ANKRD28: variants seen among roughly 807,000 people sequenced by gnomAD.
ANKRD28 encodes ankyrin repeat domain 28.
A neutral mutation model predicts 126.5 loss-of-function variants in ANKRD28; 44 were observed. The ratio of observed to expected loss-of-function variants is 0.35; its 90% CI spans 0.27 to 0.45. The LOEUF (loss-of-function observed/expected upper bound fraction) is 0.45, where lower values mean the gene tolerates loss of function less well. ANKRD28 is among the 20% of genes least tolerant of loss of function. ANKRD28 has a pLI of 1.00. For synonymous variants in ANKRD28, 442 were observed against 468.5 expected (o/e 0.94, Z 0.73); for missense variants, 1,110 against 1,316.6 (o/e 0.84, Z 2.43).
At position 15,668,286 on chromosome 3, in the gene ANKRD28, G is replaced by C. The variant is rs2066083248; in HGVS notation, c.*1984C>G. Reference sequence around the variant, plus strand: ...TCTGAGATTCTAGAAAATTCCCTCAGGGAATTCAGAAGAGAATTCCTAAAA... The same window carrying C: ...TCTGAGATTCTAGAAAATTCCCTCACGGAATTCAGAAGAGAATTCCTAAAA... On this transcript the variant is annotated 3_prime_UTR_variant, in exon 28 of 28. Transcript: ENST00000683139. The C allele has an allele frequency of 6.6e-6, 1 of 151,894 alleles. No individual in the cohort carries two copies. Among genetic ancestry groups the C allele is most frequent in the Non-Finnish European group, 1.5e-5 (1 of 68,000 alleles). The allele number at this position is 151,894 out of a possible 1,614,324, so 9.4% of individuals were successfully genotyped here.
chr3:15,807,937 A>G lies in ANKRD28; in HGVS notation c.28-12631T>C, dbSNP rs369040073. Among the ~76,000 whole-genome samples, 5 of 152,372 alleles carry G rather than the reference A, an allele frequency of 3.3e-5. No individual in the cohort carries two copies. The East Asian group carries it at 9.6e-4, about 29-fold the overall frequency. On this transcript the variant is annotated intron_variant, in intron 1 of 27. Transcript: ENST00000399451. ...CTACTCATATGGGGCAGGGATAAAC[A>G]TCCCAGGTAACTTGAATAGCTACTA...
At chr3:15,767,408 TC>T (rs2058790031) in intron 2 of ANKRD28, among the ~76,000 whole-genome samples, 2 of 152,182 alleles carry the variant, frequency 1.3e-5, no homozygotes, top group Admixed American at 1.3e-4. Context: ...ACTATGTTCT[TC>T]CTTTTGTCCA....
intron 5 of ANKRD28, among the ~76,000 whole-genome samples, chr3:15,736,489 A>G (rs1011582534): frequency 6.6e-6 from 1 of 152,190 alleles, no homozygotes. Context: ...AAAATGAAAG[A>G]CTAGACAAGT....
At position 15,668,504 on chromosome 3, in the gene ANKRD28, T is replaced by C. The variant is rs712870; in HGVS notation, c.*1766A>G. 0.22 allele frequency: 33,520 copies of C among 152,384 alleles called. 6,028 individuals are homozygous for C. Among genetic ancestry groups the C allele is most frequent in the East Asian group, 0.58 (3,006 of 5,160 alleles). 9.4% of individuals were successfully genotyped at this position (152,384 alleles called of 1,614,324 possible). ...GATGGGGGATTAGATTTATAATTTC[T>C]GTAAATATTTTAGAAAAAATGCTTA... On this transcript the variant is annotated 3_prime_UTR_variant, in exon 28 of 28. Transcript: ENST00000683139.
chr3:15,834,028 AG>A (rs1372992352), intron 1 of ANKRD28, among the ~76,000 whole-genome samples: 1 of 151,814 alleles, frequency 6.6e-6, no homozygotes, highest in African/African-American at 2.4e-5. Context: ...CCCTTTCTGT[AG>A]GTTGTATGTT....
At chr3:15,857,982 C>T (rs138875359) in intron 1 of ANKRD28, among the ~76,000 whole-genome samples, 2 of 152,298 alleles carry the variant, frequency 1.3e-5, no homozygotes, top group Non-Finnish European at 2.9e-5. Context: ...ATAAGATGCA[C>T]GGACTGTACT....
rs557673206 is a variant in ANKRD28 at position 15,728,722 on chromosome 3, G to A, written c.641-4198C>T. ...CTCTGATCTCTGCCTTACTGGAATC[G>A]TTTCAATCTGGGGGTTTCTTGGGCT... On this transcript the variant is annotated intron_variant, in intron 6 of 27. Coordinates refer to ENST00000683139, the MANE Select transcript of ANKRD28 (RefSeq NM_001349278.2). Among the ~76,000 whole-genome samples the A allele has an allele frequency of 6.6e-5, 10 of 152,242 alleles. No individual in the cohort carries two copies. The South Asian group carries it at 1.7e-3, about 25-fold the overall frequency.
chr3:15,707,781 T>C (rs1359562181), intron 14 of ANKRD28, 143 bp downstream of exon 14: 11 of 980,942 alleles, frequency 1.1e-5, no homozygotes. Flanking sequence ...ATGAAACCAA[T>C]CTATTTCCCA....
At chr3:15,740,155 C>T (rs1419043269) in intron 4 of ANKRD28, among the ~76,000 whole-genome samples, 1 of 152,178 alleles carries the variant, frequency 6.6e-6, no homozygotes, top group South Asian at 2.1e-4. Context: ...TTGTATGATT[C>T]CATTTTTATA....
upstream of ANKRD28, among the ~76,000 whole-genome samples, chr3:15,798,554 A>C (rs1474219530): frequency 6.6e-6 from 1 of 152,136 alleles, no homozygotes; most frequent in Non-Finnish European, 1.5e-5. Flanking sequence ...AAATTATATA[A>C]ATCATTTGAT....
chr3:15,706,817 T>G (rs1575281839), intron 14 of ANKRD28, among the ~76,000 whole-genome samples: 1 of 152,210 alleles, frequency 6.6e-6, no homozygotes, highest in Non-Finnish European at 1.5e-5. Context: ...CTGTGGTTTT[T>G]ATTTGCATTT....
chr3:15,788,816 TG>T (rs112109302), intron 2 of ANKRD28, among the ~76,000 whole-genome samples: 7 of 152,172 alleles, frequency 4.6e-5, no homozygotes, highest in African/African-American at 1.7e-4. Context: ...AGGAGGTCAC[TG>T]AAAGTCATTT....
At position 15,803,991 on chromosome 3, in the gene ANKRD28, T is replaced by C. The variant is rs147436043; in HGVS notation, c.28-8685A>G. Among the ~76,000 whole-genome samples, 279 of 145,474 alleles carry C rather than the reference T, an allele frequency of 1.9e-3. 41 individuals are homozygous for C. The highest frequency in any genetic ancestry group is 6.9e-3 in the African/African-American group (268 of 38,942). On this transcript the variant is annotated intron_variant, in intron 1 of 27. Coordinates refer to the ANKRD28 transcript ENST00000399451. The stretch of plus-strand genomic sequence containing the variant: ...AGAATGGTGAGATCTGGCTCAATTC[T>C]ACTCAATCCAGTACACTGAAATTAT...
chr3:15,791,280 G>T (rs1191119055), intron 2 of ANKRD28, among the ~76,000 whole-genome samples: 1 of 151,560 alleles, frequency 6.6e-6, no homozygotes, highest in Non-Finnish European at 1.5e-5. Flanking sequence ...AATTTATATG[G>T]AACCAGAAAA....
intron 1 of ANKRD28, among the ~76,000 whole-genome samples, chr3:15,808,427 A>C (rs1186447463): frequency 6.6e-6 from 1 of 152,236 alleles, no homozygotes; most frequent in African/African-American, 2.4e-5. Flanking sequence ...AAAAGAAAAC[A>C]AAGATGAATC....
At chr3:15,774,330 C>T (rs1309810340) in intron 2 of ANKRD28, among the ~76,000 whole-genome samples, 1 of 152,014 alleles carries the variant, frequency 6.6e-6, no homozygotes, top group Non-Finnish European at 1.5e-5. Flanking sequence ...ACAAAGCATG[C>T]ACTGGGAAAA....
intron 5 of ANKRD28, 90 bp downstream of exon 5, chr3:15,736,943 T>C (rs2075059693): frequency 7.8e-7 from 1 of 1,278,010 alleles, no homozygotes; most frequent in South Asian, 1.3e-5. Flanking sequence ...TAGTTCTGTA[T>C]GCCTTTACTA....
intron 21 of ANKRD28, among the ~76,000 whole-genome samples, chr3:15,682,908 C>T (rs1256013615): frequency 6.6e-6 from 1 of 152,174 alleles, no homozygotes; most frequent in Non-Finnish European, 1.5e-5. Flanking sequence ...TTGCTACAGG[C>T]TGAAAATCAG....
Position 15,678,192 on chromosome 3 carries a change from TAAAG to T in ANKRD28, c.2707+13_2707+16del, listed in dbSNP as rs747118401. ...ACACATACTTAGGAAAATACAATTT[TAAAG>T]AAGTTTCTTTACCAACTGTATTTGT... On this transcript the variant is annotated intron_variant, in intron 24 of 27. Transcript: ENST00000683139. 3 of 1,596,814 alleles carry T rather than the reference TAAAG, an allele frequency of 1.9e-6. No homozygotes were observed. The South Asian group carries it at 3.4e-5, about 18-fold the overall frequency.
Sources: gnomAD v4.1 joint callset for allele counts (sites outside exome capture counted in the v4.1 genomes callset) on GRCh38, gnomAD v4.1.1 for gene constraint, MANE v1.5 for transcripts, NCBI Gene and HGNC (gene_info 2026-07-23, HGNC 2026-07-21) for gene names.